The following PPM1A variants were observed in gnomAD, a reference collection of about 807,000 sequenced individuals.
PPM1A encodes the protein protein phosphatase 1A.
PPM1A carries 7 observed loss-of-function variants against 35.0 expected under a neutral mutation model. The observed-to-expected ratio is 0.20, with a 90% CI of 0.11 to 0.38. The LOEUF (loss-of-function observed/expected upper bound fraction) is 0.38. Ranked by LOEUF, PPM1A falls within the 10% of genes least tolerant of loss-of-function variation. The pLI is 1.00. For synonymous variants in PPM1A, 153 were observed against 167.3 expected (o/e 0.91, Z 0.66); for missense variants, 239 against 467.8 (o/e 0.51, Z 4.51).
chr14:60,287,685 C>A (rs1461026879), intron 3 of PPM1A: 1 of 985,182 alleles, frequency 1.0e-6, no homozygotes, highest in African/African-American at 1.7e-5. Context: ...AAAGGCCTTC[C>A]AGCTCTCCTT....
At chr14:60,265,536 AC>A (rs1295219618) in intron 1 of PPM1A, among the ~76,000 whole-genome samples, 1 of 152,230 alleles carries the variant, frequency 6.6e-6, no homozygotes, top group Non-Finnish European at 1.5e-5. Flanking sequence ...TAAATATTTA[AC>A]ATACATTAAA....
intron 1 of PPM1A, among the ~76,000 whole-genome samples, chr14:60,252,667 A>G (rs1182530114): frequency 6.6e-6 from 1 of 152,210 alleles, no homozygotes; most frequent in Non-Finnish European, 1.5e-5. Flanking sequence ...GCTATTAGCC[A>G]AGATATATAA....
upstream of PPM1A, among the ~76,000 whole-genome samples, chr14:60,246,956 G>A (rs1366884485): frequency 6.6e-6 from 1 of 152,158 alleles, no homozygotes; most frequent in Non-Finnish European, 1.5e-5. Context: ...AGAAAGGTGT[G>A]GAAGCCTAAA....
intron 2 of PPM1A, among the ~76,000 whole-genome samples, chr14:60,284,959 C>A (rs186258602): frequency 3.3e-5 from 5 of 151,620 alleles, no homozygotes; most frequent in African/African-American, 9.7e-5. Flanking sequence ...TTTTAAAATT[C>A]TTCTGAGGGT....
chr14:60,259,594 A>G (rs1455053623), intron 1 of PPM1A, among the ~76,000 whole-genome samples: 1 of 152,096 alleles, frequency 6.6e-6, no homozygotes, highest in Admixed American at 6.5e-5. Context: ...CTGTCTATAG[A>G]TCTGTCTATA....
At chr14:60,254,276 T>TAAGAGGTA (rs11281135) in intron 1 of PPM1A, among the ~76,000 whole-genome samples, 2 of 151,558 alleles carry the variant, frequency 1.3e-5, no homozygotes, top group Non-Finnish European at 2.9e-5. Context: ...GACTAAAAGT[T>TAAGAGGTA]ATAGAAGAAA....
rs1390342574 is a variant in PPM1A at position 60,249,329 on chromosome 14, G to C, written c.-369G>C. 5.1e-6 allele frequency: 5 copies of C among 976,046 alleles called. No homozygotes were observed. Among genetic ancestry groups the C allele is most frequent in the Non-Finnish European group, 6.1e-6 (5 of 826,360 alleles). 60.5% of individuals were successfully genotyped at this position (976,046 alleles called of 1,614,324 possible). A position where few individuals can be genotyped will look rare whatever the true frequency, so the allele number is the denominator to read the frequency against. On this transcript the variant is annotated 5_prime_UTR_variant, in exon 1 of 6. Transcript: ENST00000395076. The surrounding 1 kb of genome is among the most constrained non-coding windows in gnomAD (Gnocchi z 4.5). Reference sequence around the variant, plus strand: ...GCCCGCAGCTTCGGGTCCTCAGGCGGCTGTTGCTCCGGAACGGGTGGTTGG... The same window carrying C: ...GCCCGCAGCTTCGGGTCCTCAGGCGCCTGTTGCTCCGGAACGGGTGGTTGG...
chr14:60,248,846 C>G (rs1462261835), upstream of PPM1A: 1 of 152,404 alleles, frequency 6.6e-6, no homozygotes, highest in Non-Finnish European at 1.5e-5. Context: ...CACGGAGGGG[C>G]TGTCGATCTA....
chr14:60,286,152 C>T, intron 3 of PPM1A: 1 of 985,158 alleles, frequency 1.0e-6, no homozygotes, highest in African/African-American at 1.7e-5. Context: ...TAATTTTAAT[C>T]TCTAGGGCCT....
rs1353302171 is a variant in PPM1A, at chr14:60,296,838, G to C, written c.*4356G>C. On this transcript the variant is annotated 3_prime_UTR_variant, in exon 6 of 6. Transcript: ENST00000395076. The surrounding 1 kb of genome is among the most constrained non-coding windows in gnomAD (Gnocchi z 4.4). ...TGAGAGGCATTGGTTCCAATTCATT[G>C]TCAAATGAACGTTTTCTAATTTTGT... is the stretch of plus-strand genomic sequence containing the variant. 3.2e-6 allele frequency: 1 copy of C among 315,298 alleles called. No homozygotes were observed. The highest frequency in any genetic ancestry group is 5.9e-6 in the Non-Finnish European group (1 of 170,532). 19.5% of individuals were successfully genotyped at this position (315,298 alleles called of 1,614,324 possible). A position where few individuals can be genotyped will look rare whatever the true frequency, so the allele number is the denominator to read the frequency against.
intron 1 of PPM1A, among the ~76,000 whole-genome samples, chr14:60,265,894 G>A (rs539227118): frequency 1.8e-4 from 27 of 152,166 alleles, no homozygotes; most frequent in Non-Finnish European, 4.0e-4. Context: ...GGACTCACTG[G>A]TTATTACTGT....
In PPM1A at chr14:60,289,771, A is replaced by G; in HGVS notation, c.953-35A>G. 1 of 1,393,240 alleles carries G rather than the reference A, an allele frequency of 7.2e-7. No homozygotes were observed. Among genetic ancestry groups the G allele is most frequent in the Non-Finnish European group, 1.0e-6 (1 of 989,198 alleles). 86.3% of individuals were successfully genotyped at this position (1,393,240 alleles called of 1,614,324 possible). A position where few individuals can be genotyped will look rare whatever the true frequency, so the allele number is the denominator to read the frequency against. On this transcript the variant is annotated intron_variant, in intron 3 of 5. Transcript: ENST00000395076. This position sits in a 1 kb window ranked among gnomAD's most constrained non-coding sequence, Gnocchi z 4.1. ...CGGTTTTCTTTTCAATTAAATTTGG[A>G]TAACACTTACAAAAAAAGTACTTCT...
At chr14:60,270,520 C>G (rs947057357) in intron 1 of PPM1A, among the ~76,000 whole-genome samples, 1 of 152,128 alleles carries the variant, frequency 6.6e-6, no homozygotes, top group Admixed American at 6.5e-5. Context: ...CCAAAAATAA[C>G]TAGCTACTCC....
intron 1 of PPM1A, among the ~76,000 whole-genome samples, chr14:60,258,536 T>C (rs2139364241): frequency 6.6e-6 from 1 of 152,262 alleles, no homozygotes; most frequent in African/African-American, 2.4e-5. Flanking sequence ...ATAAACTTTT[T>C]AAAGTCATTG....
At chr14:60,274,765 T>C (rs1329361357) in intron 1 of PPM1A, among the ~76,000 whole-genome samples, 1 of 151,504 alleles carries the variant, frequency 6.6e-6, no homozygotes, top group Non-Finnish European at 1.5e-5. Context: ...TTGCTTCTCA[T>C]TTCCATGAAA....
intron 1 of PPM1A, among the ~76,000 whole-genome samples, chr14:60,279,378 A>G (rs1216122251): frequency 1.3e-5 from 2 of 152,212 alleles, no homozygotes; most frequent in Admixed American, 6.5e-5. Flanking sequence ...CAGCCTCCCA[A>G]AGTGCTGAGA....
intron 1 of PPM1A, among the ~76,000 whole-genome samples, chr14:60,254,300 A>T (rs910187635): frequency 1.3e-5 from 2 of 152,218 alleles, no homozygotes; most frequent in African/African-American, 4.8e-5. Flanking sequence ...AAAGTTGAGT[A>T]TGAGTAGCTT....
upstream of PPM1A, chr14:60,245,870 G>A: frequency 6.3e-7 from 1 of 1,592,544 alleles, no homozygotes. This position sits in a 1 kb window ranked among gnomAD's most constrained non-coding sequence, Gnocchi z 4.2. Context: ...GGGAGAAAAT[G>A]GGTAGCAGAA....
In PPM1A at chr14:60,282,944, A is replaced by G. The variant is rs745312893; in HGVS notation, c.241A>G (p.Asn81Asp). 1.9e-6 allele frequency: 3 copies of G among 1,614,216 alleles called. No individual in the cohort carries two copies. Among genetic ancestry groups the G allele is most frequent in the Non-Finnish European group, 2.5e-6 (3 of 1,180,048 alleles). The change falls in exon 2 of 6, where the codon AAT becomes GAT. Residue 81 changes from asparagine to aspartate, a missense_variant. By Grantham distance (23) the Asn-to-Asp change is conservative (BLOSUM62 1). Transcript: ENST00000395076. This position sits in a 1 kb window ranked among gnomAD's most constrained non-coding sequence, Gnocchi z 5.1. ...CCEHLLDHIT[N>D]NQDFKGSAGA... The stretch of plus-strand genomic sequence containing the variant: ...TGAGCATTTGTTAGATCACATCACC[A>G]ATAACCAGGATTTTAAAGGGTCTGC...
Sources: allele counts gnomAD v4.1 joint callset (sites outside exome capture counted in the v4.1 genomes callset), GRCh38; gene constraint gnomAD v4.1.1; non-coding constraint Gnocchi (gnomAD v3.1); transcripts MANE v1.5; gene names NCBI Gene and HGNC (gene_info 2026-07-23, HGNC 2026-07-21).